DPP10: variants seen among roughly 807,000 people sequenced by gnomAD.
DPP10 encodes inactive dipeptidyl peptidase 10.
Under a neutral mutation model 120.9 loss-of-function variants are expected in DPP10, and 33 were observed. That is an observed-to-expected ratio of 0.27 (90% CI 0.21 to 0.37). The LOEUF (loss-of-function observed/expected upper bound fraction) is 0.37. Among genes scored for constraint, DPP10 ranks in the 10% least tolerant of loss-of-function variants. DPP10 has a pLI of 1.00. For synonymous variants in DPP10, 337 were observed against 326.1 expected, an observed-to-expected ratio of 1.03 and a Z score of -0.36; for missense variants, 816 against 942.8, an observed-to-expected ratio of 0.87 and a Z score of 1.76.
At chr2:115,047,313 C>T (rs1337148454) in intron 1 of DPP10, among the ~76,000 whole-genome samples, 1 of 151,872 alleles carries the variant, frequency 6.6e-6, no homozygotes, top group Non-Finnish European at 1.5e-5. Flanking sequence ...TACATTTATC[C>T]TTTTAAGTCC....
At chr2:114,485,465 T>TTG (rs1558802721) in intron 1 of DPP10, among the ~76,000 whole-genome samples, 1 of 151,270 alleles carries the variant, frequency 6.6e-6, no homozygotes, top group African/African-American at 2.4e-5. Flanking sequence ...AAAAACTGTT[T>TTG]TTTTTTTTTT....
At chr2:115,700,681 G>A (rs1362662865) in intron 7 of DPP10, among the ~76,000 whole-genome samples, 1 of 151,878 alleles carries the variant, frequency 6.6e-6, no homozygotes, top group African/African-American at 2.4e-5. Context: ...TTCTTTAAAA[G>A]CCTAGAGTCC....
chr2:114,885,189 G>A (rs1181633597), intron 1 of DPP10, among the ~76,000 whole-genome samples: 1 of 152,166 alleles, frequency 6.6e-6, no homozygotes, highest in Non-Finnish European at 1.5e-5. Context: ...TAGGCTTCTT[G>A]GGAGCCCTCA....
intron 13 of DPP10, 50 bp from the exon 14 acceptor site, chr2:115,777,158 G>A: frequency 6.5e-7 from 1 of 1,535,058 alleles, no homozygotes; most frequent in Non-Finnish European, 9.0e-7. Context: ...GTTTACCAGA[G>A]AGATGCTGTT....
At chr2:114,544,964 G>A (rs896862766) in intron 1 of DPP10, among the ~76,000 whole-genome samples, 156 of 151,960 alleles carry the variant, frequency 1.0e-3, no homozygotes, top group Middle Eastern at 6.8e-3. Context: ...AGATTCTCCT[G>A]CCTCAGCCTC....
At chr2:115,475,714 G>A (rs1477659200) in intron 3 of DPP10, among the ~76,000 whole-genome samples, 1 of 152,204 alleles carries the variant, frequency 6.6e-6, no homozygotes, top group Non-Finnish European at 1.5e-5. Context: ...AAAGCCACAG[G>A]AGTGGAGCTG....
intron 11 of DPP10, among the ~76,000 whole-genome samples, chr2:115,760,770 G>T (rs757004266): frequency 4.6e-5 from 7 of 152,106 alleles, no homozygotes; most frequent in East Asian, 1.9e-4. Context: ...GTTCTGGATG[G>T]TTTTTATTCG....
At chr2:115,192,574 C>G (rs925534393) in intron 1 of DPP10, among the ~76,000 whole-genome samples, 6 of 152,190 alleles carry the variant, frequency 3.9e-5, no homozygotes, top group Admixed American at 2.6e-4. Context: ...TCTGAATTCT[C>G]TTTAGTACCT....
intron 1 of DPP10, among the ~76,000 whole-genome samples, chr2:114,927,634 C>G (rs988679848): frequency 2.6e-5 from 4 of 152,166 alleles, no homozygotes; most frequent in African/African-American, 9.7e-5. Context: ...GAATGGGAGG[C>G]AGATTTGCCC....
intron 1 of DPP10, among the ~76,000 whole-genome samples, chr2:114,456,909 G>C (rs1678613432): frequency 6.6e-6 from 1 of 152,168 alleles, no homozygotes; most frequent in Non-Finnish European, 1.5e-5. Flanking sequence ...CCTGGACACT[G>C]TGGTTATAGA....
chr2:115,087,623 G>A (rs144832750), intron 1 of DPP10, among the ~76,000 whole-genome samples: 1,833 of 129,870 alleles, frequency 0.014, 15 homozygotes, highest in African/African-American at 0.031. Context: ...GCCCAATCTC[G>A]GCTCACCGCA....
At chr2:114,993,452 A>G (rs1700867819) in intron 1 of DPP10, among the ~76,000 whole-genome samples, 1 of 151,356 alleles carries the variant, frequency 6.6e-6, no homozygotes, top group Non-Finnish European at 1.5e-5. Context: ...ATACACACCT[A>G]TTTACAAAAC....
chr2:114,923,848 T>A (rs1203488991), intron 1 of DPP10, among the ~76,000 whole-genome samples: 3 of 152,170 alleles, frequency 2.0e-5, no homozygotes, highest in Non-Finnish European at 4.4e-5. Flanking sequence ...TTTTCAATTA[T>A]CCCTCATGTT....
intron 1 of DPP10, among the ~76,000 whole-genome samples, chr2:114,548,606 G>A (rs1687616283): frequency 6.6e-6 from 1 of 152,214 alleles, no homozygotes; most frequent in Non-Finnish European, 1.5e-5. Context: ...ATCTAGGTTG[G>A]TGGGTCTCTG....
chr2:114,628,628 C>G (rs1694686832), intron 1 of DPP10, among the ~76,000 whole-genome samples: 1 of 152,076 alleles, frequency 6.6e-6, no homozygotes, highest in African/African-American at 2.4e-5. Flanking sequence ...GCCTGACTCT[C>G]ATCTTGAACT....
chr2:114,791,869 C>A (rs538183844), intron 1 of DPP10, among the ~76,000 whole-genome samples: 72 of 152,256 alleles, frequency 4.7e-4, no homozygotes, highest in African/African-American at 1.7e-3. Context: ...TGTTAGGAAA[C>A]AATTTCTCTG....
At chr2:114,945,233 A>G (rs1697258324) in intron 1 of DPP10, among the ~76,000 whole-genome samples, 1 of 152,232 alleles carries the variant, frequency 6.6e-6, no homozygotes, top group African/African-American at 2.4e-5. Context: ...ACAAATTGAT[A>G]CGTTGCATTT....
intron 1 of DPP10, among the ~76,000 whole-genome samples, chr2:114,830,011 T>C (rs574319671): frequency 6.6e-6 from 1 of 152,068 alleles, no homozygotes; most frequent in Non-Finnish European, 1.5e-5. Flanking sequence ...TACTGACTCC[T>C]GTCCTCTCAC....
chr2:115,079,177 G>A (rs1364842993), intron 1 of DPP10, among the ~76,000 whole-genome samples: 1 of 151,996 alleles, frequency 6.6e-6, no homozygotes, highest in Non-Finnish European at 1.5e-5. Flanking sequence ...TCAGGAGATC[G>A]AGACCATCCT....
Sources: allele counts gnomAD v4.1 joint callset (sites outside exome capture counted in the v4.1 genomes callset), GRCh38; gene constraint gnomAD v4.1.1; transcripts MANE v1.5; gene names NCBI Gene and HGNC (gene_info 2026-07-23, HGNC 2026-07-21).